Variants in ZNF331 observed in about 807,000 individuals in gnomAD.
The protein encoded by ZNF331 is C2H2-like zinc finger protein rearranged in thyroid adenomas.
Under a neutral mutation model 7.0 loss-of-function variants are expected in ZNF331, and 2 were observed. That is an observed-to-expected ratio of 0.29 (90% CI 0.12 to 0.90). The LOEUF (loss-of-function observed/expected upper bound fraction) is 0.90. ZNF331 is among the 40% of genes least tolerant of loss of function. The pLI, the probability that ZNF331 is intolerant of heterozygous loss-of-function variation, is 0.58. For missense variants in ZNF331, 432 were observed against 587.7 expected (o/e 0.74, Z 2.74); for synonymous variants, 196 against 205.4 (o/e 0.95, Z 0.39).
At chr19:53,557,454 C>T (rs1781730554) in intron 3 of ZNF331, among the ~76,000 whole-genome samples, 1 of 152,154 alleles carries the variant, frequency 6.6e-6, no homozygotes, top group African/African-American at 2.4e-5. Flanking sequence ...GAGCACTCCT[C>T]CCTCATGTCC....
chr19:53,576,674 G>GA, intron 5 of ZNF331, 23 bp from the exon 6 acceptor site: 1 of 1,579,098 alleles, frequency 6.3e-7, no homozygotes, highest in Non-Finnish European at 8.6e-7. Context: ...CTAAAGGAAA[G>GA]AAAATATGTT....
the ZNF331 span, chr19:53,512,155 C>T: frequency 6.6e-6 from 1 of 152,482 alleles, no homozygotes; most frequent in East Asian, 1.9e-4. Flanking sequence ...AGAGGTGGGC[C>T]TCTCTCCATC....
At chr19:53,515,470 G>A (rs999099874), upstream of ZNF331, among the ~76,000 whole-genome samples, 6 of 152,120 alleles carry the variant, frequency 3.9e-5, no homozygotes, top group Admixed American at 6.5e-5. Context: ...TCCATCCTTC[G>A]TTCATTGTGG....
At chr19:53,566,133 T>C (rs1470552570) in intron 3 of ZNF331, among the ~76,000 whole-genome samples, 1 of 152,006 alleles carries the variant, frequency 6.6e-6, no homozygotes, top group Non-Finnish European at 1.5e-5. Context: ...AGAGGTTGCA[T>C]AGGACAGGTT....
the ZNF331 span, among the ~76,000 whole-genome samples, chr19:53,508,703 C>A: frequency 6.6e-6 from 1 of 152,168 alleles, no homozygotes; most frequent in Non-Finnish European, 1.5e-5. Context: ...GTCATTCTTT[C>A]TCTGAACAGG....
chr19:53,510,770 A>G, the ZNF331 span, among the ~76,000 whole-genome samples: 2 of 144,094 alleles, frequency 1.4e-5, no homozygotes, highest in Non-Finnish European at 3.1e-5. Context: ...ATTGATTTTT[A>G]TAATATTGAT....
rs140399327 is a variant in ZNF331, at chr19:53,576,823, C to T, written c.263C>T (p.Thr88Met). Residue 88 changes from threonine to methionine, a missense_variant, in exon 6 of 6, where the codon ACG (threonine) becomes ATG (methionine). Physicochemically the swap from Thr to Met is moderately conservative, Grantham distance 81. Coordinates refer to ENST00000449416, the MANE Select transcript of ZNF331 (RefSeq NM_001079906.2). ...SLGRNWICEG[T>M]LERPQRSRGR... ...GGCCGTAACTGGATATGTGAAGGTA[C>T]GCTTGAAAGACCACAGCGCTCCAGA... The T allele has an allele frequency of 7.4e-6, 12 of 1,613,956 alleles. No homozygotes were observed. The highest frequency in any genetic ancestry group is 4.4e-5 in the South Asian group (4 of 91,086).
At chr19:53,530,276 AGGCCGCACC>A (rs2087483329) in intron 2 of ZNF331, among the ~76,000 whole-genome samples, 1 of 134,900 alleles carries the variant, frequency 7.4e-6, no homozygotes, top group Non-Finnish European at 1.7e-5. Flanking sequence ...ACCTCCCACC[AGGCCGCACC>A]TCCAGCACTG....
At chr19:53,554,959 C>A (rs77022426) in intron 2 of ZNF331, 1,696 of 154,564 alleles carry the variant, frequency 0.011, 31 homozygotes, top group African/African-American at 0.039. Flanking sequence ...TGCCTTTGCA[C>A]TGTGTGGAGT....
chr19:53,518,113 C>T (rs2086947865), upstream of ZNF331, among the ~76,000 whole-genome samples: 2 of 152,196 alleles, frequency 1.3e-5, no homozygotes, highest in Admixed American at 1.3e-4. Context: ...GGACACCATG[C>T]AATTGGCTGC....
At chr19:53,572,937 G>A (rs962599265) in intron 5 of ZNF331, among the ~76,000 whole-genome samples, 4 of 151,986 alleles carry the variant, frequency 2.6e-5, no homozygotes, top group Admixed American at 6.6e-5. Flanking sequence ...ACCTTTTCTC[G>A]GCCAGGCGCA....
upstream of ZNF331, among the ~76,000 whole-genome samples, chr19:53,519,953 G>A (rs2087004953): frequency 6.6e-6 from 1 of 152,170 alleles, no homozygotes; most frequent in Admixed American, 6.5e-5. Flanking sequence ...ACGCTCTGGA[G>A]GCACAGCTCT....
At chr19:53,506,848 G>A in the ZNF331 span, among the ~76,000 whole-genome samples, 1 of 152,140 alleles carries the variant, frequency 6.6e-6, no homozygotes, top group African/African-American at 2.4e-5. Context: ...TGCAGGTAGG[G>A]ACGTGTGAGA....
intron 3 of ZNF331, among the ~76,000 whole-genome samples, chr19:53,556,569 C>A (rs1473957247): frequency 6.6e-6 from 1 of 151,656 alleles, no homozygotes; most frequent in Non-Finnish European, 1.5e-5. Context: ...AAGCTTTCCT[C>A]CCACCTTGGC....
intron 2 of ZNF331, among the ~76,000 whole-genome samples, chr19:53,546,078 C>G (rs2088577184): frequency 6.8e-6 from 1 of 147,320 alleles, no homozygotes; most frequent in Non-Finnish European, 1.5e-5. Context: ...CCAGAAAGAC[C>G]CTAGGTTCTC....
At chr19:53,562,454 C>T (rs1017413121) in intron 3 of ZNF331, among the ~76,000 whole-genome samples, 2 of 152,110 alleles carry the variant, frequency 1.3e-5, no homozygotes, top group African/African-American at 4.8e-5. Flanking sequence ...CTTTGGGAGG[C>T]CAAAGCGGGT....
At chr19:53,528,768 G>A (rs1159817541) in intron 2 of ZNF331, among the ~76,000 whole-genome samples, 6 of 150,400 alleles carry the variant, frequency 4.0e-5, no homozygotes, top group African/African-American at 1.5e-4. Flanking sequence ...TATTTAATCT[G>A]TCCTCTACTG....
chr19:53,574,552 A>T (rs2090613051), intron 5 of ZNF331, among the ~76,000 whole-genome samples: 1 of 151,062 alleles, frequency 6.6e-6, no homozygotes, highest in Non-Finnish European at 1.5e-5. Context: ...AGTAGCGGGT[A>T]GAGGTGACAG....
At chr19:53,554,044 G>C (rs371972198) in intron 2 of ZNF331, among the ~76,000 whole-genome samples, 8 of 152,336 alleles carry the variant, frequency 5.3e-5, no homozygotes, top group African/African-American at 1.9e-4. Context: ...GGGACACGGG[G>C]CTTGGGGCTC....
Sources: gnomAD v4.1 joint callset for allele counts (sites outside exome capture counted in the v4.1 genomes callset) on GRCh38, gnomAD v4.1.1 for gene constraint, MANE v1.5 for transcripts, NCBI Gene and HGNC (gene_info 2026-07-23, HGNC 2026-07-21) for gene names.